The following TXLNG variants were observed in gnomAD, a reference collection of about 807,000 sequenced individuals.
The protein encoded by TXLNG is taxilin gamma, also known as gamma-taxilin.
A neutral mutation model predicts 38.8 loss-of-function variants in TXLNG; 5 were observed. The ratio of observed to expected loss-of-function variants is 0.13; its 90% CI spans 0.07 to 0.27. The LOEUF (loss-of-function observed/expected upper bound fraction) is 0.27, where lower values mean the gene tolerates loss of function less well. Among genes scored for constraint, TXLNG ranks in the 10% least tolerant of loss-of-function variants. TXLNG has a pLI of 1.00. For missense variants in TXLNG, 393 were observed against 398.2 expected (o/e 0.99, Z 0.11); for synonymous variants, 182 against 158.2 (o/e 1.15, Z -1.13).
At chrX:16,837,916 G>T in intron 8 of TXLNG, among the ~76,000 whole-genome samples, 1 of 111,451 alleles carries the variant, frequency 9.0e-6, no homozygotes, top group South Asian at 3.8e-4. Flanking sequence ...TATATTAAAT[G>T]CAACTTGTTA....
chrX:16,822,518 G>A (rs901980947), intron 3 of TXLNG, among the ~76,000 whole-genome samples: 1 of 111,911 alleles, frequency 8.9e-6, no homozygotes, highest in African/African-American at 3.3e-5. Flanking sequence ...AAAACACAGC[G>A]TGGTTGGATT....
At chrX:16,831,898 G>A (rs961469401) in intron 5 of TXLNG, among the ~76,000 whole-genome samples, 15 of 112,222 alleles carry the variant, frequency 1.3e-4, no homozygotes, top group African/African-American at 4.9e-4. Flanking sequence ...GTAACTGGAA[G>A]AGTTCCGTTT....
At chrX:16,809,370 G>T in intron 1 of TXLNG, among the ~76,000 whole-genome samples, 1 of 81,118 alleles carries the variant, frequency 1.2e-5, no homozygotes, top group East Asian at 4.1e-4. Flanking sequence ...TTGAGATGAA[G>T]TTTCGCTCTG....
chrX:16,812,993 G>A (rs772228143), intron 1 of TXLNG, among the ~76,000 whole-genome samples: 4 of 110,572 alleles, frequency 3.6e-5, no homozygotes, highest in Admixed American at 9.8e-5. Context: ...GAGCTACTGC[G>A]CCAGTCCTAT....
intron 1 of TXLNG, among the ~76,000 whole-genome samples, chrX:16,812,386 A>C (rs1483721254): frequency 1.2e-4 from 11 of 94,637 alleles, no homozygotes; most frequent in African/African-American, 3.6e-4. Context: ...AAATAAGTGA[A>C]TATTTATTCC....
intron 1 of TXLNG, among the ~76,000 whole-genome samples, chrX:16,818,305 T>TA (rs1928815914): frequency 8.9e-6 from 1 of 111,916 alleles, no homozygotes; most frequent in Admixed American, 9.5e-5. Context: ...GGTGAATTTT[T>TA]ATGTGGAAAT....
At chrX:16,815,199 GGA>G in intron 1 of TXLNG, among the ~76,000 whole-genome samples, 1 of 111,770 alleles carries the variant, frequency 8.9e-6, no homozygotes, top group East Asian at 2.8e-4. Flanking sequence ...TTGTTGAGAT[GGA>G]GTCTTGCTCT....
intron 1 of TXLNG, among the ~76,000 whole-genome samples, chrX:16,814,949 A>C (rs374445534): frequency 8.9e-6 from 1 of 112,147 alleles, no homozygotes; most frequent in Non-Finnish European, 1.9e-5. Context: ...CTGAAAAACT[A>C]CAAATGAACC....
chrX:16,826,599 G>A (rs1044738309), intron 3 of TXLNG, among the ~76,000 whole-genome samples: 2 of 111,266 alleles, frequency 1.8e-5, no homozygotes, highest in Non-Finnish European at 3.8e-5. Flanking sequence ...GCCTGTGGGT[G>A]TAAAACTTGA....
At chrX:16,787,067 C>G (rs1032985374) in intron 1 of TXLNG, among the ~76,000 whole-genome samples, 1 of 113,107 alleles carries the variant, frequency 8.8e-6, no homozygotes, top group African/African-American at 3.2e-5. Flanking sequence ...TGCCCCCGGG[C>G]TGCTCAGGCT....
intron 1 of TXLNG, among the ~76,000 whole-genome samples, chrX:16,807,636 T>C (rs1928378342): frequency 9.0e-6 from 1 of 111,557 alleles, no homozygotes; most frequent in South Asian, 3.7e-4. Context: ...CCTTTACTTA[T>C]TTGATAAGTT....
In TXLNG at chrX:16,843,696, G is replaced by A. The variant is rs1320434896; in HGVS notation, c.*1930G>A. 8.9e-6 allele frequency: 1 copy of A among 112,150 alleles called. No homozygotes were observed. Among genetic ancestry groups the A allele is most frequent in the Non-Finnish European group, 1.9e-5 (1 of 53,281 alleles). The allele number at this position is 112,150 out of a possible 1,213,427, so 9.2% of individuals were successfully genotyped here. Reference sequence around the variant, plus strand: ...CGTTTCTTTGTGGTGCTTGTCCTGTGTGGAAGATTGTAAATCTTGGGCCTG... The same window carrying A: ...CGTTTCTTTGTGGTGCTTGTCCTGTATGGAAGATTGTAAATCTTGGGCCTG... On this transcript the variant is annotated 3_prime_UTR_variant, in exon 10 of 10. Transcript: ENST00000380122.
chrX:16,829,054 A>G (rs951857006), intron 4 of TXLNG, among the ~76,000 whole-genome samples: 1 of 111,895 alleles, frequency 8.9e-6, no homozygotes, highest in Admixed American at 9.5e-5. Context: ...TAGGAAATCA[A>G]TATTTTGAGT....
At chrX:16,830,885 G>C (rs968351536) in intron 5 of TXLNG, among the ~76,000 whole-genome samples, 1 of 88,788 alleles carries the variant, frequency 1.1e-5, no homozygotes, top group African/African-American at 4.1e-5. Flanking sequence ...GTGTGTGTGT[G>C]TATAGAGACA....
At chrX:16,820,080 G>C in intron 2 of TXLNG, 84 bp from the exon 3 acceptor site, 1 of 705,237 alleles carries the variant, frequency 1.4e-6, no homozygotes, top group African/African-American at 2.2e-5. Flanking sequence ...CTGGATGTCA[G>C]AGCACGGGAA....
In TXLNG at chrX:16,841,583, G is replaced by A. The variant is rs150094901; in HGVS notation, c.1404G>A (p.Ala468=). ...CCATCAAAGCGGCCATCAAAGCGGC[G>A]AACAGGGATTTAGCAACACCTGTGA... ...QVSIKAAIKA[A]NRDLATPVMQ... The change falls in exon 10 of 10, where the codon GCG becomes GCA. Residue 468 remains alanine (A), a synonymous_variant. Coordinates refer to ENST00000380122, the MANE Select transcript of TXLNG (RefSeq NM_018360.3). The A allele has an allele frequency of 3.6e-5, 44 of 1,209,690 alleles. No individual in the cohort carries two copies. In the East Asian group the frequency reaches 5.3e-4, roughly 15 times the overall value.
At chrX:16,806,232 G>A (rs909721091) in intron 1 of TXLNG, among the ~76,000 whole-genome samples, 2 of 112,235 alleles carry the variant, frequency 1.8e-5, no homozygotes, top group Admixed American at 1.9e-4. Context: ...TACTGGAAGC[G>A]TTTAGGAGGA....
chrX:16,833,483 T>TG (rs1416160753), intron 6 of TXLNG, among the ~76,000 whole-genome samples: 1 of 112,115 alleles, frequency 8.9e-6, no homozygotes, highest in Non-Finnish European at 1.9e-5. Flanking sequence ...GCCCTCGTCA[T>TG]GCGGGCATGT....
intron 3 of TXLNG, among the ~76,000 whole-genome samples, chrX:16,826,121 G>A (rs753079393): frequency 1.1e-4 from 12 of 111,514 alleles, no homozygotes; most frequent in Admixed American, 5.7e-4. Context: ...AATGAACGCC[G>A]GATTCAGGAT....
Sources: gnomAD v4.1 joint callset for allele counts (sites outside exome capture counted in the v4.1 genomes callset) on GRCh38, gnomAD v4.1.1 for gene constraint, MANE v1.5 for transcripts, NCBI Gene and HGNC (gene_info 2026-07-23, HGNC 2026-07-21) for gene names.